Variants in MTOR observed in about 807,000 individuals in gnomAD.
MTOR encodes the protein mechanistic target of rapamycin kinase.
A neutral mutation model predicts 319.8 loss-of-function variants in MTOR; 70 were observed. The ratio of observed to expected loss-of-function variants is 0.22; its 90% CI spans 0.18 to 0.27. The LOEUF is 0.27. Ranked by LOEUF, MTOR falls within the 10% of genes least tolerant of loss-of-function variation. The probability of loss-of-function intolerance (pLI) is 1.00; values close to 1 mark genes in which losing one functional copy is unlikely to be tolerated. For missense variants in MTOR, 1,890 were observed against 3,274.4 expected (o/e 0.58, Z 10.32); for synonymous variants, 1,183 against 1,211.4 (o/e 0.98, Z 0.49).
intron 30 of MTOR, among the ~76,000 whole-genome samples, chr1:11,156,288 C>T (rs971286220): frequency 6.6e-6 from 1 of 152,314 alleles, no homozygotes; most frequent in South Asian, 2.1e-4. Context: ...CTGTGCCCGG[C>T]CTGTTTTAGT....
intron 11 of MTOR, among the ~76,000 whole-genome samples, chr1:11,238,892 A>G (rs1329305412): frequency 6.7e-6 from 1 of 150,356 alleles, no homozygotes; most frequent in East Asian, 2.0e-4. Flanking sequence ...CCTCCTGAGT[A>G]GCTGGGACTA....
At chr1:11,146,620 T>C in intron 32 of MTOR, 56 bp downstream of exon 32, 2 of 1,388,624 alleles carry the variant, frequency 1.4e-6, no homozygotes, top group Admixed American at 1.7e-5. Flanking sequence ...ACCGTGGGCT[T>C]AGAAGCACTA....
intron 34 of MTOR, 55 bp from the exon 35 acceptor site, chr1:11,139,713 G>A (rs572252349): frequency 1.9e-6 from 3 of 1,605,738 alleles, no homozygotes; most frequent in East Asian, 4.5e-5. Flanking sequence ...TGTTTTTGTG[G>A]CAGAGTCTTG....
At chr1:11,226,542 G>A (rs1331225088) in intron 19 of MTOR, among the ~76,000 whole-genome samples, 2 of 151,574 alleles carry the variant, frequency 1.3e-5, no homozygotes, top group East Asian at 1.9e-4. Flanking sequence ...TGTAATTCCA[G>A]TGCTTTGGGA....
Position 11,212,706 on chromosome 1 carries a change from T to A in MTOR, c.3398+90A>T. 8.0e-7 allele frequency: 1 copy of A among 1,247,698 alleles called. No homozygotes were observed. Among genetic ancestry groups the A allele is most frequent in the Non-Finnish European group, 1.1e-6 (1 of 873,140 alleles). 77.3% of individuals were successfully genotyped at this position (1,247,698 alleles called of 1,614,324 possible). On this transcript the variant is annotated intron_variant, in intron 22 of 57. Coordinates refer to ENST00000361445, the MANE Select transcript of MTOR (RefSeq NM_004958.4). The surrounding 1 kb of genome is among the most constrained non-coding windows in gnomAD (Gnocchi z 4.1). ...ATGTGAGTTGAAATAACAAAAAAAA[T>A]AGAAAGATGGCCTGGGAACTTAAGA...
At chr1:11,165,192 C>T (rs915216509) in intron 29 of MTOR, among the ~76,000 whole-genome samples, 4 of 152,270 alleles carry the variant, frequency 2.6e-5, no homozygotes, top group African/African-American at 9.6e-5. Context: ...TGGCACAAGA[C>T]AGGGATGCCC....
intron 19 of MTOR, among the ~76,000 whole-genome samples, chr1:11,218,975 A>C (rs1361738473): frequency 6.6e-6 from 1 of 151,974 alleles, no homozygotes; most frequent in East Asian, 1.9e-4. Flanking sequence ...TGGGAGGCCA[A>C]GGTAGGCAGA....
chr1:11,260,790 A>ATT (rs34219246), intron 1 of MTOR, among the ~76,000 whole-genome samples: 8 of 134,822 alleles, frequency 5.9e-5, no homozygotes, highest in Non-Finnish European at 9.7e-5. Flanking sequence ...TGGACTAGTC[A>ATT]TTTTTTTTTT....
At position 11,109,457 on chromosome 1, in the gene MTOR, T is replaced by G; in HGVS notation, c.7448-87A>C. On this transcript the variant is annotated intron_variant, in intron 55 of 57. Transcript: ENST00000361445. The surrounding 1 kb of genome is among the most constrained non-coding windows in gnomAD (Gnocchi z 4.0). ...TGCCCTGTTTTTCTCAAATATTCACTTTTGTAAGTGTTAAGCAATCCTTCC... is the reference window on the plus strand; with the variant it reads ...TGCCCTGTTTTTCTCAAATATTCACGTTTGTAAGTGTTAAGCAATCCTTCC... 7.5e-7 allele frequency: 1 copy of G among 1,336,336 alleles called. No homozygotes were observed. The highest frequency in any genetic ancestry group is 1.1e-6 in the Non-Finnish European group (1 of 939,752). The allele number at this position is 1,336,336 out of a possible 1,614,324, so 82.8% of individuals were successfully genotyped here. A position where few individuals can be genotyped will look rare whatever the true frequency, so the allele number is the denominator to read the frequency against.
intron 28 of MTOR, among the ~76,000 whole-genome samples, chr1:11,178,901 T>C (rs1645066229): frequency 6.6e-6 from 1 of 152,246 alleles, no homozygotes; most frequent in Non-Finnish European, 1.5e-5. Context: ...TGGCACCTAG[T>C]GATCTGGCAG....
Position 11,231,058 on chromosome 1 carries a change from C to T in MTOR, c.2650-4G>A, listed in dbSNP as rs757892443. 2.2e-5 allele frequency: 36 copies of T among 1,613,812 alleles called. No homozygotes were observed. In the Admixed American group the frequency reaches 5.2e-4, roughly 23 times the overall value. On this transcript the variant is annotated splice_region_variant and splice_polypyrimidine_tract_variant and intron_variant, in intron 17 of 57. Coordinates refer to ENST00000361445, the MANE Select transcript of MTOR (RefSeq NM_004958.4). ...AAAGCCCTAACACACGGATGGCCTGCGTGGGAAAGGGGAGGGAAAAAAGAA... is the reference window on the plus strand; with the variant it reads ...AAAGCCCTAACACACGGATGGCCTGTGTGGGAAAGGGGAGGGAAAAAAGAA...
chr1:11,172,729 C>T (rs1201972125), intron 28 of MTOR, among the ~76,000 whole-genome samples: 5 of 151,650 alleles, frequency 3.3e-5, no homozygotes, highest in African/African-American at 9.7e-5. Flanking sequence ...GTTAGTGGAG[C>T]GTGGTGGCGA....
chr1:11,226,832 T>C (rs1646854027), intron 19 of MTOR, among the ~76,000 whole-genome samples: 1 of 152,144 alleles, frequency 6.6e-6, no homozygotes, highest in South Asian at 2.1e-4. Context: ...TTAGTACTTA[T>C]TACTTTTCCT....
Position 11,184,977 on chromosome 1 carries a change from C to T in MTOR, c.4253+14281G>A, listed in dbSNP as rs141944577. On this transcript the variant is annotated intron_variant, in intron 28 of 57. Transcript: ENST00000361445. ...TAGGCCACACTCGACTACTTACATT[C>T]TCCCACTAGTCCAAGTCTTTCACAT... Among the ~76,000 whole-genome samples the T allele has an allele frequency of 1.5e-4, 23 of 152,346 alleles. No individual in the cohort carries two copies. In the East Asian group the frequency reaches 4.1e-3, roughly 27 times the overall value.
At chr1:11,126,980 T>A (rs1357996722) in intron 45 of MTOR, 30 bp downstream of exon 45, 3 of 1,613,222 alleles carry the variant, frequency 1.9e-6, no homozygotes, top group Non-Finnish European at 2.5e-6. Flanking sequence ...ATAATGACAG[T>A]TAACCCTGCC....
At chr1:11,155,113 G>C (rs1189831019) in intron 30 of MTOR, among the ~76,000 whole-genome samples, 1 of 152,108 alleles carries the variant, frequency 6.6e-6, no homozygotes, top group Non-Finnish European at 1.5e-5. Flanking sequence ...CTTTGATTTT[G>C]TCCAATATTC....
intron 3 of MTOR, among the ~76,000 whole-genome samples, chr1:11,258,025 G>A (rs926648403): frequency 3.3e-5 from 5 of 151,278 alleles, no homozygotes; most frequent in African/African-American, 7.3e-5. Flanking sequence ...CACGAGAATC[G>A]CTTGAACCCA....
At chr1:11,182,710 TG>T (rs1645197412) in intron 28 of MTOR, among the ~76,000 whole-genome samples, 1 of 152,176 alleles carries the variant, frequency 6.6e-6, no homozygotes, top group Admixed American at 6.5e-5. Flanking sequence ...TCTAACACAA[TG>T]GGGTTGTTTG....
At chr1:11,245,798 T>C (rs1443435778) in intron 8 of MTOR, among the ~76,000 whole-genome samples, 3 of 152,124 alleles carry the variant, frequency 2.0e-5, no homozygotes. Flanking sequence ...TGGTCCTACC[T>C]ACTTGGGAGG....
Sources: allele counts gnomAD v4.1 joint callset (sites outside exome capture counted in the v4.1 genomes callset), GRCh38; gene constraint gnomAD v4.1.1; non-coding constraint Gnocchi (gnomAD v3.1); transcripts MANE v1.5; gene names NCBI Gene and HGNC (gene_info 2026-07-23, HGNC 2026-07-21).